The following BAHD1 variants were observed in gnomAD, a reference collection of about 807,000 sequenced individuals.
The protein encoded by BAHD1 is bromo adjacent homology domain-containing 1 protein.
Under a neutral mutation model 63.1 loss-of-function variants are expected in BAHD1, and 20 were observed. The ratio of observed to expected loss-of-function variants is 0.32; its 90% confidence interval spans 0.22 to 0.46. BAHD1 has a LOEUF of 0.46. Ranked by LOEUF, BAHD1 falls within the 20% of genes least tolerant of loss-of-function variation. The pLI is 1.00. For missense variants in BAHD1, 939 were observed against 1,071.8 expected (o/e 0.88, Z 1.73); for synonymous variants, 408 against 426.8 (o/e 0.96, Z 0.54).
rs1316197330 is a variant in BAHD1 at position 40,466,616 on chromosome 15, G to A, written c.*486G>A. 1 of 154,344 alleles carries A rather than the reference G, an allele frequency of 6.5e-6. No homozygotes were observed. Among genetic ancestry groups the A allele is most frequent in the Non-Finnish European group, 1.4e-5 (1 of 69,218 alleles). The allele number at this position is 154,344 out of a possible 1,614,324, so 9.6% of individuals were successfully genotyped here. On this transcript the variant is annotated 3_prime_UTR_variant, in exon 7 of 7. Transcript: ENST00000416165. ...CCAGGCTTTCCTAGATCCCAGCACA[G>A]CTCTGAGCTTGTTCCTTTGAGGCAT...
chr15:40,464,166 T>C, intron 4 of BAHD1, 146 bp downstream of exon 4: 1 of 992,630 alleles, frequency 1.0e-6, no homozygotes, highest in Non-Finnish European at 1.5e-6. Context: ...GGCTGGGGTC[T>C]CTCTGCTGCC....
At chr15:40,454,999 T>C (rs1237052223) in intron 1 of BAHD1, among the ~76,000 whole-genome samples, 1 of 152,204 alleles carries the variant, frequency 6.6e-6, no homozygotes, top group Non-Finnish European at 1.5e-5. Context: ...GAGCTTCTTG[T>C]TTCTTCATCT....
chr15:40,459,886 T>G lies in BAHD1; in HGVS notation c.1422T>G (p.Pro474=). 6.3e-7 allele frequency: 1 copy of G among 1,583,508 alleles called. No homozygotes were observed. Among genetic ancestry groups the G allele is most frequent in the South Asian group, 1.1e-5 (1 of 87,864 alleles). Residue 474 remains proline, a synonymous_variant, in exon 2 of 7, where the codon CCT becomes CCG. Transcript: ENST00000416165. ...TTCGGCPYKM[P]FAAEGCRSLG... is the part of the protein sequence containing the mutation. Reference sequence around the variant, plus strand: ...GTGGCGGCTGCCCATACAAAATGCCTTTTGCAGCAGGTGAGGCTTCCTGGG... The same window carrying G: ...GTGGCGGCTGCCCATACAAAATGCCGTTTGCAGCAGGTGAGGCTTCCTGGG...
At chr15:40,455,722 C>A (rs993926380) in intron 1 of BAHD1, among the ~76,000 whole-genome samples, 4 of 152,248 alleles carry the variant, frequency 2.6e-5, no homozygotes, top group Admixed American at 6.5e-5. Context: ...GGCTCCCAGC[C>A]GTTCCCAGGC....
chr15:40,459,340 C>T lies in BAHD1; in HGVS notation c.876C>T (p.Ser292=), dbSNP rs138741325. ...PWPSATPCGP[S]VQPSHQPLSK... is the part of the protein sequence containing the mutation. ...CATCTGCAACTCCTTGTGGGCCATC[C>T]GTCCAGCCATCTCATCAGCCCCTGA... Residue 292 remains serine, a synonymous_variant, in exon 2 of 7, where the codon TCC becomes TCT. Transcript: ENST00000416165. 2.0e-5 allele frequency: 32 copies of T among 1,613,128 alleles called. No homozygotes were observed. The highest frequency in any genetic ancestry group is 2.7e-5 in the Non-Finnish European group (32 of 1,179,976).
intron 2 of BAHD1, 39 bp downstream of exon 2, chr15:40,459,935 G>T: frequency 6.5e-7 from 1 of 1,528,078 alleles, no homozygotes; most frequent in South Asian, 1.3e-5. Context: ...GGGGAGTCTC[G>T]GAGACATGGC....
chr15:40,458,386 G>A lies in BAHD1; in HGVS notation c.-14-65G>A, dbSNP rs1893910881. 1 of 1,508,304 alleles carries A rather than the reference G, an allele frequency of 6.6e-7. No homozygotes were observed. Among genetic ancestry groups the A allele is most frequent in the Non-Finnish European group, 8.9e-7 (1 of 1,129,800 alleles). 93.4% of individuals were successfully genotyped at this position (1,508,304 alleles called of 1,614,324 possible). A position where few individuals can be genotyped will look rare whatever the true frequency, so the allele number is the denominator to read the frequency against. ...ACCTGGGGCTGGGTAGGCTGCAGTG[G>A]GAGAGAAAGCAGGCAGGAGCAGGCC... On this transcript the variant is annotated intron_variant, in intron 1 of 6. Coordinates refer to ENST00000416165, the MANE Select transcript of BAHD1 (RefSeq NM_014952.5). This position sits in a 1 kb window ranked among gnomAD's most constrained non-coding sequence, Gnocchi z 4.7.
At position 40,466,221 on chromosome 15, in the gene BAHD1, A is replaced by G. The variant is rs1894201671; in HGVS notation, c.*91A>G. 2 of 1,121,922 alleles carry G rather than the reference A, an allele frequency of 1.8e-6. No homozygotes were observed. The highest frequency in any genetic ancestry group is 2.5e-6 in the Non-Finnish European group (2 of 815,322). 69.5% of individuals were successfully genotyped at this position (1,121,922 alleles called of 1,614,324 possible). ...AAGCACAGCACTTGGTTAGGGGGCC[A>G]CAGAGGCCTAAGTTTGCTGGCCTGT... On this transcript the variant is annotated 3_prime_UTR_variant, in exon 7 of 7. Coordinates refer to ENST00000416165, the MANE Select transcript of BAHD1 (RefSeq NM_014952.5).
intron 1 of BAHD1, among the ~76,000 whole-genome samples, chr15:40,441,723 C>T (rs1161594617): frequency 6.7e-6 from 1 of 149,230 alleles, no homozygotes; most frequent in African/African-American, 2.4e-5. Context: ...AGGCCCCCGC[C>T]GCGCCCCCTC....
chr15:40,437,575 G>A (rs748080773), upstream of BAHD1, among the ~76,000 whole-genome samples: 93 of 152,314 alleles, frequency 6.1e-4, no homozygotes, highest in Non-Finnish European at 1.0e-3. Flanking sequence ...CTGAGGAGCC[G>A]GGTGGCTCAG....
rs750580950 is a variant in BAHD1, at chr15:40,459,645, C to T, written c.1181C>T (p.Ser394Leu). 2.5e-5 allele frequency: 40 copies of T among 1,614,004 alleles called. No individual in the cohort carries two copies. Among genetic ancestry groups the T allele is most frequent in the South Asian group, 1.8e-4 (16 of 91,084 alleles). The change falls in exon 2 of 7, where the codon TCG becomes TTG. Residue 394 changes from serine (S) to leucine (L), a missense_variant. This residue lies in a region of BAHD1 where 797 missense variants were observed against 813.3 expected (regional missense o/e 0.98). Transcript: ENST00000416165. The part of the protein sequence containing the change: ...GQEGLQCGGY[S>L]PCPMLPEGKL... ...GAGGGGCTGCAGTGTGGGGGCTACT[C>T]GCCCTGCCCCATGCTTCCTGAGGGC...
chr15:40,447,637 A>G (rs1288957247), intron 1 of BAHD1, among the ~76,000 whole-genome samples: 1 of 152,000 alleles, frequency 6.6e-6, no homozygotes, highest in African/African-American at 2.4e-5. Context: ...TGAATAACTG[A>G]GAGATGATTT....
Position 40,462,076 on chromosome 15 carries a change from C to A in BAHD1, c.1597C>A (p.Arg533Ser). 2 of 1,613,628 alleles carry A rather than the reference C, an allele frequency of 1.2e-6. No individual in the cohort carries two copies. The highest frequency in any genetic ancestry group is 1.7e-6 in the Non-Finnish European group (2 of 1,180,016). Reference protein sequence around the residue: ...TPTSEPQTVARACPQSAKPPS... With the variant: ...TPTSEPQTVASACPQSAKPPS... The stretch of plus-strand genomic sequence containing the variant: ...CACCTCGGAGCCCCAGACAGTAGCC[C>A]GTGCGTGCCCTCAGAGCGCCAAACC... Residue 533 changes from arginine (R) to serine (S), a missense_variant, in exon 3 of 7, where the codon CGT becomes AGT. Arg to Ser is a moderately radical substitution (Grantham distance 110). Coordinates refer to ENST00000416165, the MANE Select transcript of BAHD1 (RefSeq NM_014952.5).
Position 40,462,061 on chromosome 15 carries a change from C to T in BAHD1, c.1582C>T (p.Pro528Ser). ...CCATCTTCAGACACCCACCTCGGAGCCCCAGACAGTAGCCCGTGCGTGCCC... is the reference window on the plus strand; with the variant it reads ...CCATCTTCAGACACCCACCTCGGAGTCCCAGACAGTAGCCCGTGCGTGCCC... ...VPHLQTPTSE[P>S]QTVARACPQS... The change falls in exon 3 of 7, where the codon CCC becomes TCC. Residue 528 changes from proline (P) to serine (S), a missense_variant. Pro to Ser is a moderately conservative substitution (Grantham distance 74, BLOSUM62 -1). This residue lies in a region of BAHD1 where 797 missense variants were observed against 813.3 expected (regional missense o/e 0.98). Coordinates refer to ENST00000416165, the MANE Select transcript of BAHD1 (RefSeq NM_014952.5). 1 of 1,613,788 alleles carries T rather than the reference C, an allele frequency of 6.2e-7. No individual in the cohort carries two copies. Among genetic ancestry groups the T allele is most frequent in the Non-Finnish European group, 8.5e-7 (1 of 1,180,030 alleles).
intron 1 of BAHD1, among the ~76,000 whole-genome samples, chr15:40,455,458 G>A (rs1002600195): frequency 6.6e-6 from 1 of 152,168 alleles, no homozygotes; most frequent in Non-Finnish European, 1.5e-5. Flanking sequence ...ACCTCTCTCT[G>A]CTTGGGACTT....
upstream of BAHD1, among the ~76,000 whole-genome samples, chr15:40,440,446 G>T (rs1893365899): frequency 6.6e-6 from 1 of 152,010 alleles, no homozygotes; most frequent in Admixed American, 6.5e-5. Context: ...TTGCCCTGGG[G>T]GCAGCAGCCT....
chr15:40,458,897 C>A lies in BAHD1; in HGVS notation c.433C>A (p.Arg145Ser). The A allele has an allele frequency of 6.3e-7, 1 of 1,597,566 alleles. No homozygotes were observed. The highest frequency in any genetic ancestry group is 8.5e-7 in the Non-Finnish European group (1 of 1,170,672). ...CACCAGCAGCCTGGCAGGCACCCGC[C>A]GCAGTCGAGCAGGGGATCCCCACCG... ...EDTSSLAGTRRSRAGDPHRSR... is the reference protein window; with the variant it reads ...EDTSSLAGTRSSRAGDPHRSR... Residue 145 changes from arginine to serine, a missense_variant, in exon 2 of 7, where the codon CGC becomes AGC. Around this residue, in one of 5 missense-constraint regions of BAHD1, gnomAD observed 797 missense variants for 813.3 expected, o/e 0.98. Transcript: ENST00000416165. This position sits in a 1 kb window ranked among gnomAD's most constrained non-coding sequence, Gnocchi z 4.7.
chr15:40,466,232 A>G lies in BAHD1; in HGVS notation c.*102A>G. The G allele has an allele frequency of 1.0e-5, 8 of 785,888 alleles. No homozygotes were observed. The highest frequency in any genetic ancestry group is 4.3e-4 in the Middle Eastern group (1 of 2,328). The allele number at this position is 785,888 out of a possible 1,614,324, so 48.7% of individuals were successfully genotyped here. A position where few individuals can be genotyped will look rare whatever the true frequency, so the allele number is the denominator to read the frequency against. On this transcript the variant is annotated 3_prime_UTR_variant, in exon 7 of 7. Transcript: ENST00000416165. ...TTGGTTAGGGGGCCACAGAGGCCTA[A>G]GTTTGCTGGCCTGTGGTTTTCTTGG... is the stretch of plus-strand genomic sequence containing the variant.
chr15:40,437,622 G>A (rs1398753735), upstream of BAHD1, among the ~76,000 whole-genome samples: 1 of 152,198 alleles, frequency 6.6e-6, no homozygotes, highest in East Asian at 1.9e-4. Context: ...GGTGCTCTGG[G>A]GGTTGGGACA....
Sources: allele counts gnomAD v4.1 joint callset (sites outside exome capture counted in the v4.1 genomes callset), GRCh38; gene constraint gnomAD v4.1.1; regional missense constraint gnomAD v4.1.1; non-coding constraint Gnocchi (gnomAD v3.1); transcripts MANE v1.5; gene names NCBI Gene and HGNC (gene_info 2026-07-23, HGNC 2026-07-21).